ASIC1: variants seen among roughly 807,000 people sequenced by gnomAD.
ASIC1 encodes the protein acid-sensing ion channel 1.
A neutral mutation model predicts 63.4 loss-of-function variants in ASIC1; 21 were observed. That is an observed-to-expected ratio of 0.33 (90% CI 0.23 to 0.48). The LOEUF (loss-of-function observed/expected upper bound fraction) is 0.48. ASIC1 is among the 20% of genes least tolerant of loss of function. The pLI is 0.99. For missense variants in ASIC1, 478 were observed against 695.5 expected, an observed-to-expected ratio of 0.69 and a Z score of 3.52; for synonymous variants, 258 against 278.2, an observed-to-expected ratio of 0.93 and a Z score of 0.72.
intron 3 of ASIC1, among the ~76,000 whole-genome samples, chr12:50,073,117 G>T (rs1426063924): frequency 1.3e-5 from 2 of 152,010 alleles, no homozygotes; most frequent in African/African-American, 4.8e-5. Flanking sequence ...TGTGTGTCCT[G>T]GGGGGGTAGG....
chr12:50,077,390 C>T lies in ASIC1; in HGVS notation c.709+27C>T, dbSNP rs766117091. 21 of 1,613,458 alleles carry T rather than the reference C, an allele frequency of 1.3e-5. No individual in the cohort carries two copies. In the South Asian group the frequency reaches 2.3e-4, roughly 18 times the overall value. On this transcript the variant is annotated intron_variant, in intron 4 of 11. Coordinates refer to ENST00000447966, the MANE Select transcript of ASIC1 (RefSeq NM_001095.4). ...TACGTCACCCACTTCAGGGGCCCCT[C>T]TGCATGGCTCTAGGCCCCAGCCTCT...
chr12:50,063,455 G>A (rs1445306548), intron 3 of ASIC1, among the ~76,000 whole-genome samples: 1 of 152,224 alleles, frequency 6.6e-6, no homozygotes, highest in Non-Finnish European at 1.5e-5. Context: ...TTCATTTCTG[G>A]GGCCTGGAAG....
Position 50,059,125 on chromosome 12 carries a change from A to C in ASIC1, c.359A>C (p.Asn120Thr), listed in dbSNP as rs1344678335. The change falls in exon 2 of 12, where the codon AAC (asparagine) becomes ACC (threonine). Residue 120 changes from asparagine (N) to threonine (T), a missense_variant. Physicochemically the swap from Asn to Thr is moderately conservative, Grantham distance 65. Around this residue, in one of 3 missense-constraint regions of ASIC1, gnomAD observed 290 missense variants for 414.9 expected, o/e 0.70. Transcript: ENST00000447966. The surrounding 1 kb of genome is among the most constrained non-coding windows in gnomAD (Gnocchi z 4.6). ...GGGGAGCTGCTGGCCCTGCTCAACAACAGGTGGGTGGCTCCCACCCTCCCT... is the reference window on the plus strand; with the variant it reads ...GGGGAGCTGCTGGCCCTGCTCAACACCAGGTGGGTGGCTCCCACCCTCCCT... ...HAGELLALLN[N>T]RYEIPDTQMA... 6.2e-7 allele frequency: 1 copy of C among 1,612,388 alleles called. No individual in the cohort carries two copies. The highest frequency in any genetic ancestry group is 8.5e-7 in the Non-Finnish European group (1 of 1,179,104).
intron 3 of ASIC1, chr12:50,073,781 C>T (rs1445060592): frequency 2.0e-6 from 3 of 1,535,826 alleles, no homozygotes; most frequent in African/African-American, 1.4e-5. Context: ...GACTTGGTGG[C>T]CTTTGCCAAC....
At chr12:50,077,066 A>G (rs1040873294) in intron 3 of ASIC1, 147 bp from the exon 4 acceptor site, 12 of 1,281,976 alleles carry the variant, frequency 9.4e-6, no homozygotes, top group East Asian at 2.3e-5. Flanking sequence ...AACAGGTGGG[A>G]GAGGGGAGCA....
At chr12:50,075,036 G>A (rs891201363) in intron 3 of ASIC1, among the ~76,000 whole-genome samples, 5 of 151,944 alleles carry the variant, frequency 3.3e-5, no homozygotes, top group African/African-American at 1.2e-4. Flanking sequence ...AGGGGTCCAG[G>A]GCTTTCCCTG....
intron 3 of ASIC1, among the ~76,000 whole-genome samples, chr12:50,064,901 G>T (rs144118563): frequency 2.6e-5 from 4 of 152,308 alleles, no homozygotes; most frequent in African/African-American, 9.6e-5. Context: ...GCCAGGTCCT[G>T]CGCTGGGGCA....
intron 3 of ASIC1, among the ~76,000 whole-genome samples, chr12:50,064,705 A>G (rs1372163030): frequency 6.6e-6 from 1 of 152,216 alleles, no homozygotes; most frequent in Non-Finnish European, 1.5e-5. Flanking sequence ...GCAGGCCCAC[A>G]GAGAGGCTTG....
In ASIC1 at chr12:50,082,183, C is replaced by T. The variant is rs1211298117; in HGVS notation, c.*534C>T. On this transcript the variant is annotated 3_prime_UTR_variant, in exon 12 of 12. Transcript: ENST00000447966. ...CCAAGTCTCCTGGCAGGAACTAAAA[C>T]CTCAGCCCCACTCTCTCACACCATG... 1 of 158,154 alleles carries T rather than the reference C, an allele frequency of 6.3e-6. No individual in the cohort carries two copies. The highest frequency in any genetic ancestry group is 2.4e-5 in the African/African-American group (1 of 41,480). 9.8% of individuals were successfully genotyped at this position (158,154 alleles called of 1,614,324 possible).
chr12:50,061,599 C>T (rs1221445351), intron 3 of ASIC1, among the ~76,000 whole-genome samples: 2 of 152,074 alleles, frequency 1.3e-5, no homozygotes, highest in Non-Finnish European at 2.9e-5. Flanking sequence ...AGGAGGGACC[C>T]GTGAGAAAGA....
Position 50,059,874 on chromosome 12 carries a change from C to T in ASIC1, c.478C>T (p.Arg160Ter), listed in dbSNP as rs746365936. 1.2e-6 allele frequency: 2 copies of T among 1,614,156 alleles called. No homozygotes were observed. Among genetic ancestry groups the T allele is most frequent in the Non-Finnish European group, 1.7e-6 (2 of 1,180,028 alleles). The stretch of plus-strand genomic sequence containing the variant: ...CTTCAACATGCGTGAGTTCTACGAC[C>T]GAGCTGGGCACGACATTCGAGACAT... The part of the protein sequence containing the change: ...KPFNMREFYD[R>*]AGHDIRDMLL... The change falls in exon 3 of 12, where the codon CGA becomes TGA. Residue 160 changes from arginine (R) to a stop codon, truncating the protein, a stop_gained. Coordinates refer to ENST00000447966, the MANE Select transcript of ASIC1 (RefSeq NM_001095.4). LOFTEE classifies it high-confidence loss of function. The surrounding 1 kb of genome is among the most constrained non-coding windows in gnomAD (Gnocchi z 4.6).
chr12:50,075,525 G>A (rs966428126), intron 3 of ASIC1, among the ~76,000 whole-genome samples: 7 of 152,260 alleles, frequency 4.6e-5, no homozygotes, highest in Non-Finnish European at 1.0e-4. Flanking sequence ...ACCTGGTCAT[G>A]GGGCTGGGGA....
Position 50,078,202 on chromosome 12 carries a change from T to C in ASIC1, c.837+75T>C. 1 of 1,560,072 alleles carries C rather than the reference T, an allele frequency of 6.4e-7. No individual in the cohort carries two copies. Among genetic ancestry groups the C allele is most frequent in the South Asian group, 1.2e-5 (1 of 81,724 alleles). ...AGATGGAGTGGTGGGCAATCAGTAA[T>C]GGGAAGGACAGGTGAGCAAGGACCT... On this transcript the variant is annotated intron_variant, in intron 5 of 11. Coordinates refer to ENST00000447966, the MANE Select transcript of ASIC1 (RefSeq NM_001095.4). This position sits in a 1 kb window ranked among gnomAD's most constrained non-coding sequence, Gnocchi z 6.0.
chr12:50,071,684 C>G (rs1379029418), intron 3 of ASIC1, among the ~76,000 whole-genome samples: 1 of 152,014 alleles, frequency 6.6e-6, no homozygotes, highest in Non-Finnish European at 1.5e-5. Context: ...CTTGTTCTGT[C>G]GCCCAGGCTG....
In ASIC1 at chr12:50,078,578, G is replaced by C; in HGVS notation, c.994+1G>C. On this transcript the variant is annotated splice_donor_variant, in intron 6 of 11. Transcript: ENST00000447966. LOFTEE classifies it high-confidence loss of function. The surrounding 1 kb of genome is among the most constrained non-coding windows in gnomAD (Gnocchi z 6.0). ...AACTGCCGCATGGTGCACATGCCAG[G>C]TCAGGCCTGGGGCTCCGAGCATACT... 1 of 1,614,010 alleles carries C rather than the reference G, an allele frequency of 6.2e-7. No individual in the cohort carries two copies. The highest frequency in any genetic ancestry group is 8.5e-7 in the Non-Finnish European group (1 of 1,179,954).
chr12:50,062,190 C>T (rs984022197), intron 3 of ASIC1, among the ~76,000 whole-genome samples: 3 of 152,202 alleles, frequency 2.0e-5, no homozygotes, highest in Admixed American at 6.5e-5. Flanking sequence ...GACACCTCCC[C>T]GGTGGAGAAG....
intron 9 of ASIC1, 150 bp downstream of exon 9, chr12:50,080,739 G>C (rs1458424306): frequency 1.2e-6 from 2 of 1,606,874 alleles, no homozygotes; most frequent in Non-Finnish European, 1.7e-6. Context: ...TAAGTGGTGA[G>C]GGAAGGGAAC....
At position 50,064,463 on chromosome 12, in the gene ASIC1, T is replaced by C. The variant is rs1950528568; in HGVS notation, c.558+4509T>C. Reference sequence around the variant, plus strand: ...TCCCCAGACCCCAGCCATTTCTGACTCCATCCCTCTCTCAGACAGCTATCA... The same window carrying C: ...TCCCCAGACCCCAGCCATTTCTGACCCCATCCCTCTCTCAGACAGCTATCA... On this transcript the variant is annotated intron_variant, in intron 3 of 11. Coordinates refer to ENST00000447966, the MANE Select transcript of ASIC1 (RefSeq NM_001095.4). Among the ~76,000 whole-genome samples the C allele has an allele frequency of 2.0e-5, 3 of 152,284 alleles. No homozygotes were observed. In the South Asian group the frequency reaches 6.2e-4, roughly 32 times the overall value.
In ASIC1 at chr12:50,081,792, C is replaced by T; in HGVS notation, c.*143C>T. 1 of 702,686 alleles carries T rather than the reference C, an allele frequency of 1.4e-6. No homozygotes were observed. Among genetic ancestry groups the T allele is most frequent in the Non-Finnish European group, 2.4e-6 (1 of 422,070 alleles). The allele number at this position is 702,686 out of a possible 1,614,324, so 43.5% of individuals were successfully genotyped here. A position where few individuals can be genotyped will look rare whatever the true frequency, so the allele number is the denominator to read the frequency against. ...CTCTTGTCTGTGGTAAGGAAGGAGT[C>T]TTGACCATAGAGTCCTCTCTCTGCC... On this transcript the variant is annotated 3_prime_UTR_variant, in exon 12 of 12. Coordinates refer to ENST00000447966, the MANE Select transcript of ASIC1 (RefSeq NM_001095.4).
Sources: gnomAD v4.1 joint callset for allele counts (sites outside exome capture counted in the v4.1 genomes callset) on GRCh38, gnomAD v4.1.1 for gene constraint, gnomAD v4.1.1 regional missense constraint, Gnocchi (gnomAD v3.1) non-coding constraint, MANE v1.5 for transcripts, NCBI Gene and HGNC (gene_info 2026-07-23, HGNC 2026-07-21) for gene names.